ADAMTSL1: variants seen among roughly 807,000 people sequenced by gnomAD.
ADAMTSL1 encodes ADAMTS like 1.
In ADAMTSL1, 126 loss-of-function variants were observed where a neutral mutation model predicts 201.8. The ratio of observed to expected loss-of-function variants is 0.62; its 90% CI spans 0.54 to 0.72. The LOEUF (loss-of-function observed/expected upper bound fraction) is 0.72, where lower values mean the gene tolerates loss of function less well. Ranked by LOEUF, ADAMTSL1 falls within the 30% of genes least tolerant of loss-of-function variation. The probability of loss-of-function intolerance (pLI) is 0.00; values close to 1 mark genes in which losing one functional copy is unlikely to be tolerated. For synonymous variants in ADAMTSL1, 1,121 were observed against 903.4 expected, an observed-to-expected ratio of 1.24 and a Z score of -4.32; for missense variants, 2,679 against 2,277.8, an observed-to-expected ratio of 1.18 and a Z score of -3.59.
chr9:18,708,290 C>T (rs1005373908), intron 14 of ADAMTSL1, among the ~76,000 whole-genome samples: 1 of 152,220 alleles, frequency 6.6e-6, no homozygotes, highest in Non-Finnish European at 1.5e-5. Context: ...TTTTCTCCAG[C>T]AGGTCTTTTA....
intron 23 of ADAMTSL1, among the ~76,000 whole-genome samples, chr9:18,833,496 A>G (rs553078287): frequency 9.8e-5 from 15 of 152,304 alleles, no homozygotes; most frequent in Non-Finnish European, 1.5e-4. Flanking sequence ...GGACGCATGT[A>G]TATCTTCTTT....
intron 2 of ADAMTSL1, among the ~76,000 whole-genome samples, chr9:18,301,540 T>C (rs1189154785): frequency 6.6e-6 from 1 of 152,186 alleles, no homozygotes; most frequent in Non-Finnish European, 1.5e-5. Flanking sequence ...ACAACAATAA[T>C]TAATGAAATA....
At chr9:18,111,058 A>C (rs1038120663) in intron 1 of ADAMTSL1, among the ~76,000 whole-genome samples, 1 of 152,132 alleles carries the variant, frequency 6.6e-6, no homozygotes, top group Non-Finnish European at 1.5e-5. Context: ...TTCATTTTGC[A>C]GAGTGAAGTG....
intron 20 of ADAMTSL1, among the ~76,000 whole-genome samples, chr9:18,810,242 G>T (rs1350292414): frequency 6.6e-6 from 1 of 152,150 alleles, no homozygotes; most frequent in Non-Finnish European, 1.5e-5. Flanking sequence ...AAGGAAAAAG[G>T]CCCCTGAACA....
At chr9:18,805,920 T>C (rs1460151611) in intron 20 of ADAMTSL1, among the ~76,000 whole-genome samples, 1 of 152,220 alleles carries the variant, frequency 6.6e-6, no homozygotes, top group Non-Finnish European at 1.5e-5. Flanking sequence ...TGTTGCCCCG[T>C]TTCCATTTAT....
At chr9:18,426,291 G>C (rs1819218245) in intron 2 of ADAMTSL1, among the ~76,000 whole-genome samples, 1 of 152,140 alleles carries the variant, frequency 6.6e-6, no homozygotes, top group African/African-American at 2.4e-5. Context: ...TGGGATAGAA[G>C]ACAGCTTTAT....
chr9:18,034,503 A>C (rs1265760122), intron 1 of ADAMTSL1, among the ~76,000 whole-genome samples: 3 of 152,164 alleles, frequency 2.0e-5, no homozygotes, highest in Non-Finnish European at 4.4e-5. Flanking sequence ...ATAGAAACAT[A>C]AACTCATCAT....
chr9:18,902,474 T>A (rs1944008811), intron 26 of ADAMTSL1, among the ~76,000 whole-genome samples: 1 of 151,522 alleles, frequency 6.6e-6, no homozygotes, highest in African/African-American at 2.4e-5. Context: ...AATTCACAAA[T>A]ACGTGGAAAT....
chr9:18,900,172 T>C (rs1360199272), intron 26 of ADAMTSL1, among the ~76,000 whole-genome samples: 1 of 152,178 alleles, frequency 6.6e-6, no homozygotes, highest in Non-Finnish European at 1.5e-5. Flanking sequence ...AACAGTCATA[T>C]GAAAAAAAGC....
intron 2 of ADAMTSL1, among the ~76,000 whole-genome samples, chr9:18,529,545 G>A (rs1006135300): frequency 2.5e-4 from 38 of 152,082 alleles, no homozygotes; most frequent in Admixed American, 1.4e-3. Context: ...AAAATTTTGC[G>A]AGTTGTTGGA....
At chr9:18,527,254 A>T (rs574947531) in intron 2 of ADAMTSL1, among the ~76,000 whole-genome samples, 1 of 152,362 alleles carries the variant, frequency 6.6e-6, no homozygotes, top group South Asian at 2.1e-4. Context: ...GCTTAGCAAC[A>T]TTCTTTGCTT....
At chr9:18,088,043 A>G (rs1377557328) in intron 1 of ADAMTSL1, among the ~76,000 whole-genome samples, 2 of 152,180 alleles carry the variant, frequency 1.3e-5, no homozygotes, top group Non-Finnish European at 2.9e-5. Context: ...ATGTATTTGC[A>G]TAAGTACAGA....
chr9:18,523,370 A>C (rs1331315477), intron 2 of ADAMTSL1, among the ~76,000 whole-genome samples: 15 of 151,964 alleles, frequency 9.9e-5, no homozygotes, highest in African/African-American at 2.4e-5. Context: ...GGTTGCAAAA[A>C]TTTTCTCCCA....
At chr9:18,610,637 T>A (rs1024649439) in intron 4 of ADAMTSL1, among the ~76,000 whole-genome samples, 4 of 152,176 alleles carry the variant, frequency 2.6e-5, no homozygotes, top group African/African-American at 9.6e-5. Flanking sequence ...TATAAAGTAA[T>A]AAGTTTTGAG....
intron 1 of ADAMTSL1, among the ~76,000 whole-genome samples, chr9:18,021,084 T>A (rs1391339731): frequency 6.6e-6 from 1 of 152,122 alleles, no homozygotes; most frequent in Non-Finnish European, 1.5e-5. Context: ...GTGTAATGAA[T>A]CAGGCTCTCT....
intron 1 of ADAMTSL1, among the ~76,000 whole-genome samples, chr9:18,117,707 G>A (rs1049715415): frequency 7.2e-5 from 11 of 152,228 alleles, no homozygotes; most frequent in African/African-American, 1.2e-4. Context: ...ATACTTCTCA[G>A]GGGCAGGGGT....
chr9:18,358,303 C>T (rs992618750), intron 2 of ADAMTSL1, among the ~76,000 whole-genome samples: 1 of 152,120 alleles, frequency 6.6e-6, no homozygotes, highest in Non-Finnish European at 1.5e-5. Context: ...AATTATTTTT[C>T]TGTTCTTTGC....
At chr9:18,056,854 A>C (rs1162436210) in intron 1 of ADAMTSL1, among the ~76,000 whole-genome samples, 1 of 152,072 alleles carries the variant, frequency 6.6e-6, no homozygotes, top group Non-Finnish European at 1.5e-5. Context: ...ACCTCTCTTC[A>C]GTGCCTCTTC....
intron 2 of ADAMTSL1, among the ~76,000 whole-genome samples, chr9:18,286,944 A>G (rs973036569): frequency 1.3e-5 from 2 of 152,216 alleles, no homozygotes; most frequent in Non-Finnish European, 2.9e-5. Flanking sequence ...TTGTGAATCT[A>G]TTAAAAACAA....
Sources: allele counts gnomAD v4.1 joint callset (sites outside exome capture counted in the v4.1 genomes callset), GRCh38; gene constraint gnomAD v4.1.1; transcripts MANE v1.5; gene names NCBI Gene and HGNC (gene_info 2026-07-23, HGNC 2026-07-21).